Variants in EML1 observed in about 807,000 individuals in gnomAD.
The protein encoded by EML1 is EMAP like 1.
Under a neutral mutation model 110.4 loss-of-function variants are expected in EML1, and 27 were observed. That is an observed-to-expected ratio of 0.24 (90% CI 0.18 to 0.34). EML1 has a LOEUF of 0.34. Ranked by LOEUF, EML1 falls within the 10% of genes least tolerant of loss-of-function variation. The pLI, the probability that EML1 is intolerant of heterozygous loss-of-function variation, is 1.00. For missense variants in EML1, 741 were observed against 1,030.9 expected (o/e 0.72, Z 3.85); for synonymous variants, 344 against 385.8 (o/e 0.89, Z 1.27).
intron 1 of EML1, among the ~76,000 whole-genome samples, chr14:99,754,638 A>C (rs2057224074): frequency 6.6e-6 from 1 of 152,130 alleles, no homozygotes; most frequent in Non-Finnish European, 1.5e-5. Flanking sequence ...ACTTCTTCCG[A>C]GTTTTGTTTT....
intron 1 of EML1, among the ~76,000 whole-genome samples, chr14:99,836,288 T>A (rs1304114294): frequency 1.3e-5 from 2 of 152,262 alleles, no homozygotes; most frequent in African/African-American, 4.8e-5. Context: ...TCTGGTACTA[T>A]TATAAATGCC....
At chr14:99,857,180 G>A (rs2058917189) in intron 2 of EML1, among the ~76,000 whole-genome samples, 1 of 152,092 alleles carries the variant, frequency 6.6e-6, no homozygotes, top group South Asian at 2.1e-4. Context: ...GCCAAGGCAG[G>A]AGGATCACTT....
chr14:99,742,164 C>A, intron 1 of EML1, among the ~76,000 whole-genome samples: 1 of 152,230 alleles, frequency 6.6e-6, no homozygotes, highest in East Asian at 1.9e-4. Flanking sequence ...CTGGGTCTCT[C>A]TGAGGGTCCA....
chr14:99,921,015 C>A, intron 17 of EML1, 138 bp downstream of exon 17: 1 of 721,428 alleles, frequency 1.4e-6, no homozygotes, highest in Non-Finnish European at 2.2e-6. Context: ...ATCAACCCAT[C>A]ACCCACGTAT....
At chr14:99,765,513 T>A (rs76413248) in intron 1 of EML1, among the ~76,000 whole-genome samples, 4,707 of 152,278 alleles carry the variant, frequency 0.031, 205 homozygotes, top group African/African-American at 0.098. Flanking sequence ...CATTTATATA[T>A]CCTCAAGTCA....
rs71113220 is a variant in EML1, at chr14:99,739,119, AGTGTGTGTGTGTGT to A, written c.28+1282_28+1295del. 2.1e-4 allele frequency among the ~76,000 whole-genome samples: 28 copies of A among 134,984 alleles called. 1 individual carries two copies. The highest frequency in any genetic ancestry group is 2.0e-3 in the East Asian group (9 of 4,532). The allele number at this position is 134,984 out of a possible 152,430, so 88.6% of individuals were successfully genotyped here. On this transcript the variant is annotated intron_variant, in intron 1 of 10. Coordinates refer to the EML1 transcript ENST00000554479. ...GAGAGAGAGACAGAGAGAGAGAGAG[AGTGTGTGTGTGTGT>A]GTGTGTGTGTGTGTGTGTGTGTTGG...
At chr14:99,816,311 C>T (rs1223922225) in intron 1 of EML1, among the ~76,000 whole-genome samples, 1 of 152,126 alleles carries the variant, frequency 6.6e-6, no homozygotes, top group Non-Finnish European at 1.5e-5. Flanking sequence ...CTACAAACGC[C>T]CACTACCATG....
chr14:99,900,871 T>C, intron 8 of EML1, 58 bp from the exon 9 acceptor site: 2 of 1,445,566 alleles, frequency 1.4e-6, no homozygotes, highest in Non-Finnish European at 1.9e-6. Context: ...AGCTTCAAGG[T>C]AAAGACACAT....
At chr14:99,896,332 C>G (rs533847505) in intron 6 of EML1, among the ~76,000 whole-genome samples, 5 of 150,376 alleles carry the variant, frequency 3.3e-5, no homozygotes, top group Non-Finnish European at 7.4e-5. Context: ...AAATTACCAC[C>G]TGTACCTAAA....
intron 6 of EML1, among the ~76,000 whole-genome samples, chr14:99,896,311 G>C (rs901251822): frequency 5.9e-5 from 9 of 151,706 alleles, no homozygotes; most frequent in Admixed American, 3.3e-4. Context: ...ATATTCCTTA[G>C]AAATTTTTTA....
intron 1 of EML1, among the ~76,000 whole-genome samples, chr14:99,747,226 CACCA>C (rs1243043495): frequency 6.7e-6 from 1 of 149,540 alleles, no homozygotes; most frequent in East Asian, 2.0e-4. Context: ...GAAAAACAGT[CACCA>C]CCTCTGGAAA....
chr14:99,847,286 C>T (rs1431184140), intron 1 of EML1, among the ~76,000 whole-genome samples: 1 of 152,160 alleles, frequency 6.6e-6, no homozygotes, highest in Non-Finnish European at 1.5e-5. Context: ...CTACCGTTTT[C>T]TCTACGTATC....
At chr14:99,793,355 C>T, upstream of EML1, 3 of 987,646 alleles carry the variant, frequency 3.0e-6, no homozygotes, top group Non-Finnish European at 3.6e-6. Flanking sequence ...CCGGCAGCAG[C>T]AGCCGCCACA....
chr14:99,918,503 A>G (rs2060072090), intron 16 of EML1, among the ~76,000 whole-genome samples: 1 of 152,230 alleles, frequency 6.6e-6, no homozygotes, highest in Non-Finnish European at 1.5e-5. Context: ...AAAACATTTC[A>G]AAGTGCTGAG....
At chr14:99,931,302 T>C (rs1184683425) in intron 17 of EML1, among the ~76,000 whole-genome samples, 4 of 142,510 alleles carry the variant, frequency 2.8e-5, no homozygotes, top group Non-Finnish European at 3.1e-5. Flanking sequence ...TTTGCAAGCA[T>C]GCAAGGATTT....
chr14:99,854,960 G>T (rs2058877106), intron 2 of EML1, among the ~76,000 whole-genome samples: 1 of 152,148 alleles, frequency 6.6e-6, no homozygotes. Context: ...ATGAGTAAGG[G>T]AATTCATTGC....
chr14:99,856,349 G>T (rs528474867), intron 2 of EML1, among the ~76,000 whole-genome samples: 1 of 152,272 alleles, frequency 6.6e-6, no homozygotes, highest in East Asian at 1.9e-4. Flanking sequence ...GATTTGCAAA[G>T]TGTGCCAAAT....
intron 17 of EML1, among the ~76,000 whole-genome samples, chr14:99,934,284 C>T (rs541940813): frequency 2.6e-5 from 4 of 152,318 alleles, no homozygotes; most frequent in East Asian, 3.9e-4. Flanking sequence ...CATCAGCAGC[C>T]GATGACAGCC....
chr14:99,809,847 C>G (rs1025058175), intron 1 of EML1, among the ~76,000 whole-genome samples: 3 of 152,188 alleles, frequency 2.0e-5, no homozygotes, highest in Non-Finnish European at 4.4e-5. Flanking sequence ...GACTATGGGT[C>G]TTGTCCTAGG....
Sources: allele counts gnomAD v4.1 joint callset (sites outside exome capture counted in the v4.1 genomes callset), GRCh38; gene constraint gnomAD v4.1.1; transcripts MANE v1.5; gene names NCBI Gene and HGNC (gene_info 2026-07-23, HGNC 2026-07-21).